Variants in WWOX observed in about 807,000 individuals in gnomAD.
The protein encoded by WWOX is WW domain-containing oxidoreductase.
In WWOX, 69 loss-of-function variants were observed where a neutral mutation model predicts 46.2. The observed-to-expected ratio is 1.49, with a 90% CI of 1.23 to 1.82. The LOEUF (loss-of-function observed/expected upper bound fraction) is 1.82, where lower values mean the gene tolerates loss of function less well. Ranked by LOEUF, WWOX falls within the 40% of genes most tolerant of loss-of-function variation. WWOX has a pLI of 0.00. For synonymous variants in WWOX, 359 were observed against 202.6 expected (o/e 1.77, Z -6.56); for missense variants, 919 against 542.6 (o/e 1.69, Z -6.89).
intron 5 of WWOX, among the ~76,000 whole-genome samples, chr16:78,310,141 T>C (rs1359874095): frequency 6.6e-6 from 1 of 152,126 alleles, no homozygotes; most frequent in Non-Finnish European, 1.5e-5. Flanking sequence ...CCATCTGTTT[T>C]TGTTGCTGGT....
At chr16:79,049,972 C>T (rs1462761953) in intron 8 of WWOX, among the ~76,000 whole-genome samples, 1 of 151,942 alleles carries the variant, frequency 6.6e-6, no homozygotes, top group African/African-American at 2.4e-5. Context: ...AAAAACATGT[C>T]ATGCTTGTAC....
At chr16:78,187,317 C>G (rs1419817361) in intron 5 of WWOX, among the ~76,000 whole-genome samples, 5 of 152,108 alleles carry the variant, frequency 3.3e-5, no homozygotes, top group East Asian at 1.9e-4. Flanking sequence ...ACTCAAGGAA[C>G]TTAGTCTTTG....
rs549172945 is a variant in WWOX at position 78,671,361 on chromosome 16, G to A, written c.1056+238609G>A. 2.6e-5 allele frequency among the ~76,000 whole-genome samples: 4 copies of A among 152,296 alleles called. No homozygotes were observed. In the South Asian group the frequency reaches 8.3e-4, roughly 32 times the overall value. On this transcript the variant is annotated intron_variant, in intron 8 of 8. Coordinates refer to ENST00000566780, the MANE Select transcript of WWOX (RefSeq NM_016373.4). ...CATCATTTGAGCCTGGGAGGTGGAG[G>A]TTGCCGTCAGCTGAGATTGTGCCAC...
At chr16:78,305,079 T>A (rs2080108541) in intron 5 of WWOX, among the ~76,000 whole-genome samples, 1 of 152,166 alleles carries the variant, frequency 6.6e-6, no homozygotes, top group African/African-American at 2.4e-5. Flanking sequence ...TACCTGGGAA[T>A]CTGAATTCTG....
chr16:78,458,620 T>G (rs2083882957), intron 8 of WWOX, among the ~76,000 whole-genome samples: 1 of 152,142 alleles, frequency 6.6e-6, no homozygotes, highest in South Asian at 2.1e-4. Flanking sequence ...ACAGCATATG[T>G]GGTCATTTAA....
intron 8 of WWOX, among the ~76,000 whole-genome samples, chr16:78,763,148 G>C (rs1409557719): frequency 6.6e-6 from 1 of 152,230 alleles, no homozygotes; most frequent in East Asian, 1.9e-4. Context: ...AGTACTGAAA[G>C]CGTTACAGTC....
At chr16:78,408,984 C>G (rs1481371016) in intron 6 of WWOX, among the ~76,000 whole-genome samples, 1 of 152,126 alleles carries the variant, frequency 6.6e-6, no homozygotes, top group Non-Finnish European at 1.5e-5. Flanking sequence ...TGGAGATGGG[C>G]TGTAGCTCAA....
At chr16:78,100,639 C>A (rs2031713171) in intron 1 of WWOX, among the ~76,000 whole-genome samples, 1 of 152,204 alleles carries the variant, frequency 6.6e-6, no homozygotes, top group African/African-American at 2.4e-5. Flanking sequence ...TCATCTTTAA[C>A]TGTGTGACCT....
chr16:78,734,585 A>G (rs532962861), intron 8 of WWOX, among the ~76,000 whole-genome samples: 3 of 152,078 alleles, frequency 2.0e-5, no homozygotes, highest in Admixed American at 6.6e-5. Context: ...ACTGAACCTG[A>G]TGGTTAGTTT....
rs1223637760 is a variant in WWOX at position 78,387,562 on chromosome 16, G to A, written c.605+614G>A. Among the ~76,000 whole-genome samples the A allele has an allele frequency of 2.6e-5, 4 of 152,100 alleles. No individual in the cohort carries two copies. In the East Asian group the frequency reaches 7.7e-4, roughly 29 times the overall value. ...GCATCCCTTTCTAACAGAGAAGGTT[G>A]TAGGAGAAAGGGAGAGAAGCGGAAG... is the stretch of plus-strand genomic sequence containing the variant. On this transcript the variant is annotated intron_variant, in intron 6 of 8. Transcript: ENST00000566780.
At chr16:78,494,956 C>T (rs1419934074) in intron 8 of WWOX, among the ~76,000 whole-genome samples, 6 of 152,232 alleles carry the variant, frequency 3.9e-5, no homozygotes, top group Admixed American at 2.6e-4. Flanking sequence ...CCCAGCTCAC[C>T]GCCATCAGAT....
At chr16:78,422,101 T>C (rs1307343117) in intron 6 of WWOX, among the ~76,000 whole-genome samples, 1 of 152,230 alleles carries the variant, frequency 6.6e-6, no homozygotes, top group African/African-American at 2.4e-5. Context: ...TCTACCTTTA[T>C]AAAATTTCTA....
At chr16:78,829,895 C>G (rs2051769332) in intron 8 of WWOX, among the ~76,000 whole-genome samples, 1 of 152,132 alleles carries the variant, frequency 6.6e-6, no homozygotes, top group South Asian at 2.1e-4. Flanking sequence ...GCAACCCCGC[C>G]TCTTCTAAAT....
intron 4 of WWOX, among the ~76,000 whole-genome samples, chr16:78,134,525 G>T (rs12926275): frequency 0.14 from 21,187 of 151,954 alleles, 1,682 homozygotes; most frequent in East Asian, 0.23. Flanking sequence ...CACACCTCTG[G>T]CTTATCTCTT....
At chr16:78,631,632 A>G (rs528732425) in intron 8 of WWOX, among the ~76,000 whole-genome samples, 6 of 147,614 alleles carry the variant, frequency 4.1e-5, no homozygotes, top group Non-Finnish European at 8.9e-5. Flanking sequence ...TCCTCCTCCC[A>G]GGCTCAAGAG....
chr16:79,034,035 C>G (rs376279796), intron 8 of WWOX, among the ~76,000 whole-genome samples: 37 of 152,298 alleles, frequency 2.4e-4, no homozygotes, highest in African/African-American at 8.4e-4. Context: ...GAAGCACAGG[C>G]TATGGCTCAC....
intron 8 of WWOX, among the ~76,000 whole-genome samples, chr16:78,925,704 T>C (rs546888710): frequency 6.6e-6 from 1 of 152,206 alleles, no homozygotes; most frequent in East Asian, 1.9e-4. Flanking sequence ...AGAAGGGAAG[T>C]CTCCACCTTC....
At chr16:78,262,977 C>G (rs184566320) in intron 5 of WWOX, among the ~76,000 whole-genome samples, 4 of 151,070 alleles carry the variant, frequency 2.6e-5, no homozygotes, top group African/African-American at 7.2e-5. Flanking sequence ...GCTCAACTCT[C>G]ATGGGCTTGC....
intron 6 of WWOX, among the ~76,000 whole-genome samples, chr16:78,407,307 G>A (rs1250293550): frequency 6.6e-6 from 1 of 152,156 alleles, no homozygotes; most frequent in Non-Finnish European, 1.5e-5. Context: ...GCTTAGTTGA[G>A]AAATGCCCCA....
Sources: allele counts gnomAD v4.1 joint callset (sites outside exome capture counted in the v4.1 genomes callset), GRCh38; gene constraint gnomAD v4.1.1; transcripts MANE v1.5; gene names NCBI Gene and HGNC (gene_info 2026-07-23, HGNC 2026-07-21).